Variants in PC observed in about 807,000 individuals in gnomAD.
The protein encoded by PC is pyruvate carboxylase.
In PC, 46 loss-of-function variants were observed where a neutral mutation model predicts 107.8. That is an observed-to-expected ratio of 0.43 (90% confidence interval 0.34 to 0.55). The LOEUF is 0.55. Among genes scored for constraint, PC ranks in the 20% least tolerant of loss-of-function variants. The probability of loss-of-function intolerance (pLI) is 0.04; values close to 1 mark genes in which losing one functional copy is unlikely to be tolerated. For missense variants in PC, 1,241 were observed against 1,643.1 expected (o/e 0.76, Z 4.23); for synonymous variants, 662 against 684.7 (o/e 0.97, Z 0.52).
At chr11:66,873,477 A>T (rs1248870257) in intron 3 of PC, among the ~76,000 whole-genome samples, 3 of 72,474 alleles carry the variant, frequency 4.1e-5, no homozygotes, top group Non-Finnish European at 5.2e-5. Context: ...ATATAATATA[A>T]TATATAATAT....
chr11:66,851,078 C>G lies in PC; in HGVS notation c.2185G>C (p.Glu729Gln). Reference protein sequence around the residue: ...SLQYYMGLAEELVRAGTHILC... With the variant: ...SLQYYMGLAEQLVRAGTHILC... Reference sequence around the variant, plus strand: ...ATGTGGGTGCCAGCTCGCACCAGCTCTTCGGCCAAGCCCATGTAGTACTGC... The same window carrying G: ...ATGTGGGTGCCAGCTCGCACCAGCTGTTCGGCCAAGCCCATGTAGTACTGC... The change falls in exon 17 of 23, where the codon GAG becomes CAG. Residue 729 changes from glutamate to glutamine, a missense_variant. Glu to Gln is a conservative substitution (Grantham distance 29). This residue lies in a region of PC where 1,143 missense variants were observed against 1,551.9 expected (regional missense o/e 0.74). Transcript: ENST00000393960. The G allele has an allele frequency of 6.2e-7, 1 of 1,613,264 alleles. No individual in the cohort carries two copies. Among genetic ancestry groups the G allele is most frequent in the African/African-American group, 1.3e-5 (1 of 75,068 alleles).
At position 66,858,217 on chromosome 11, in the gene PC, G is replaced by C. The variant is rs541535711; in HGVS notation, c.1369-4834C>G. 5.0e-5 allele frequency: 81 copies of C among 1,612,446 alleles called. No individual in the cohort carries two copies. In the East Asian group the frequency reaches 7.4e-4, roughly 15 times the overall value. On this transcript the variant is annotated intron_variant, in intron 12 of 22. Coordinates refer to ENST00000393960, the MANE Select transcript of PC (RefSeq NM_001040716.2). This position sits in a 1 kb window ranked among gnomAD's most constrained non-coding sequence, Gnocchi z 5.9. ...CTGGACCTGTCCTACAACAACCTCC[G>C]GCAGGTGCCCTGGGCCGGCATCGGC... is the stretch of plus-strand genomic sequence containing the variant.
rs536830199 is a variant in PC, at chr11:66,876,995, G to A, written c.1-4836C>T. Among the ~76,000 whole-genome samples, 97 of 152,288 alleles carry A rather than the reference G, an allele frequency of 6.4e-4. 1 individual carries two copies. In the South Asian group the frequency reaches 0.011, roughly 17 times the overall value. ...GAGCTTTGTAAATGCAGTGCTGAGC[G>A]CCAGGAAGGCCTTCAGGAGGCGGCC... On this transcript the variant is annotated intron_variant, in intron 3 of 22. Transcript: ENST00000393960.
In PC at chr11:66,866,837, G is replaced by A. The variant is rs1260215751; in HGVS notation, c.1023-488C>T. 6.6e-6 allele frequency among the ~76,000 whole-genome samples: 1 copy of A among 152,198 alleles called. No individual in the cohort carries two copies. Among genetic ancestry groups the A allele is most frequent in the Non-Finnish European group, 1.5e-5 (1 of 68,038 alleles). On this transcript the variant is annotated intron_variant, in intron 10 of 22. Coordinates refer to ENST00000393960, the MANE Select transcript of PC (RefSeq NM_001040716.2). The surrounding 1 kb of genome is among the most constrained non-coding windows in gnomAD (Gnocchi z 5.4). ...TGGTTGTGAGGGGGGCAGTGTGCAA[G>A]GGAACAGGTGCTGTGAAGGCTGGGC...
intron 3 of PC, among the ~76,000 whole-genome samples, chr11:66,915,039 A>AAAC (rs554735155): frequency 3.9e-5 from 6 of 152,098 alleles, no homozygotes; most frequent in African/African-American, 1.4e-4. Flanking sequence ...CTCAAAAACA[A>AAAC]AACAACAACA....
chr11:66,882,778 G>A (rs956545503), intron 3 of PC, among the ~76,000 whole-genome samples: 1 of 152,182 alleles, frequency 6.6e-6, no homozygotes, highest in Non-Finnish European at 1.5e-5. Flanking sequence ...CTCCCCAGGC[G>A]GCTCTGCTCT....
chr11:66,902,259 CACTG>C (rs1213090738), intron 3 of PC, among the ~76,000 whole-genome samples: 1 of 152,206 alleles, frequency 6.6e-6, no homozygotes, highest in African/African-American at 2.4e-5. Flanking sequence ...TGAGCACAAA[CACTG>C]ACTGGCTCAG....
intron 12 of PC, chr11:66,859,619 A>G (rs751355859): frequency 5.6e-6 from 9 of 1,612,450 alleles, no homozygotes; most frequent in Non-Finnish European, 7.6e-6. Context: ...GGCTCTGACC[A>G]CCTGCCCTTG....
intron 12 of PC, chr11:66,859,127 C>A (rs770560557): frequency 1.4e-6 from 2 of 1,476,566 alleles, no homozygotes; most frequent in Admixed American, 5.0e-5. Context: ...GGCTGCACTC[C>A]CGGCGCCCTT....
intron 3 of PC, among the ~76,000 whole-genome samples, chr11:66,920,074 C>T (rs773867061): frequency 8.5e-5 from 13 of 152,168 alleles, no homozygotes; most frequent in Non-Finnish European, 1.8e-4. Context: ...CTGGCTCATT[C>T]TGGTAATCAA....
rs1203197877 is a variant in PC, at chr11:66,858,430, T to C, written c.1369-5047A>G. ...GAGGCCTCTCCCGCCCCCCTGGTGCTGAGCTTTAGCGGGAACCCCCTGCAC... is the reference window on the plus strand; with the variant it reads ...GAGGCCTCTCCCGCCCCCCTGGTGCCGAGCTTTAGCGGGAACCCCCTGCAC... On this transcript the variant is annotated intron_variant, in intron 12 of 22. Coordinates refer to ENST00000393960, the MANE Select transcript of PC (RefSeq NM_001040716.2). The surrounding 1 kb of genome is among the most constrained non-coding windows in gnomAD (Gnocchi z 5.9). 6.4e-7 allele frequency: 1 copy of C among 1,553,632 alleles called. No individual in the cohort carries two copies. The highest frequency in any genetic ancestry group is 8.7e-7 in the Non-Finnish European group (1 of 1,155,572).
rs557595819 is a variant in PC at position 66,848,546 on chromosome 11, T to C, written c.*353A>G. The C allele has an allele frequency of 2.5e-4, 148 of 593,066 alleles. 2 individuals are homozygous for C. Among genetic ancestry groups the C allele is most frequent in the Non-Finnish European group, 4.1e-4 (137 of 333,542 alleles). 36.7% of individuals were successfully genotyped at this position (593,066 alleles called of 1,614,324 possible). On this transcript the variant is annotated 3_prime_UTR_variant, in exon 23 of 23. Coordinates refer to ENST00000393960, the MANE Select transcript of PC (RefSeq NM_001040716.2). ...GGAGGGCAGGGGAAAGCCAGCTTTA[T>C]TGAGTAAACTTCCCAGGACCTGGGA...
chr11:66,858,245 C>T lies in PC; in HGVS notation c.1369-4862G>A. ...AGGTGCCCTGGGCCGGCATCGGCGC[C>T]ATGCCTGCCCTGCACACCCTCAACC... On this transcript the variant is annotated intron_variant, in intron 12 of 22. Coordinates refer to ENST00000393960, the MANE Select transcript of PC (RefSeq NM_001040716.2). The surrounding 1 kb of genome is among the most constrained non-coding windows in gnomAD (Gnocchi z 5.9). 1.2e-6 allele frequency: 2 copies of T among 1,612,476 alleles called. No individual in the cohort carries two copies. Among genetic ancestry groups the T allele is most frequent in the Non-Finnish European group, 1.7e-6 (2 of 1,179,938 alleles).
intron 12 of PC, chr11:66,856,887 G>C (rs996265983): frequency 4.0e-5 from 6 of 148,270 alleles, no homozygotes; most frequent in African/African-American, 1.5e-4. Context: ...CGGCAGCGCC[G>C]GGGGACAGCG....
At chr11:66,887,866 G>A (rs1039779030) in intron 3 of PC, among the ~76,000 whole-genome samples, 3 of 152,340 alleles carry the variant, frequency 2.0e-5, no homozygotes, top group African/African-American at 7.2e-5. Context: ...TTCACAGGCC[G>A]AAACCAAGTG....
intron 3 of PC, among the ~76,000 whole-genome samples, chr11:66,914,588 G>A (rs781386734): frequency 6.6e-6 from 1 of 151,932 alleles, no homozygotes; most frequent in Non-Finnish European, 1.5e-5. Context: ...CATAGTAAAT[G>A]CTCAAAAAAG....
intron 12 of PC, among the ~76,000 whole-genome samples, chr11:66,862,505 G>A (rs1216634084): frequency 1.3e-5 from 2 of 152,182 alleles, no homozygotes; most frequent in Non-Finnish European, 2.9e-5. Flanking sequence ...AGGAGGACAC[G>A]AGGCCAAGGC....
At chr11:66,855,353 C>T (rs767468715) in intron 12 of PC, among the ~76,000 whole-genome samples, 20 of 152,162 alleles carry the variant, frequency 1.3e-4, no homozygotes, top group Non-Finnish European at 2.2e-4. Context: ...CAAAGTGTGT[C>T]GCCCAGGCTG....
intron 10 of PC, among the ~76,000 whole-genome samples, chr11:66,868,407 C>A (rs1946587824): frequency 6.6e-6 from 1 of 152,228 alleles, no homozygotes; most frequent in African/African-American, 2.4e-5. Context: ...AATAAAAATT[C>A]TATATAAAAC....
Sources: gnomAD v4.1 joint callset for allele counts (sites outside exome capture counted in the v4.1 genomes callset) on GRCh38, gnomAD v4.1.1 for gene constraint, gnomAD v4.1.1 regional missense constraint, Gnocchi (gnomAD v3.1) non-coding constraint, MANE v1.5 for transcripts, NCBI Gene and HGNC (gene_info 2026-07-23, HGNC 2026-07-21) for gene names.